KIRREL3: variants seen among roughly 807,000 people sequenced by gnomAD.
KIRREL3 encodes kin of IRRE-like protein 3.
In KIRREL3, 36 loss-of-function variants were observed where a neutral mutation model predicts 89.7. That is an observed-to-expected ratio of 0.40 (90% confidence interval 0.31 to 0.53). KIRREL3 has a LOEUF of 0.53. Among genes scored for constraint, KIRREL3 ranks in the 20% least tolerant of loss-of-function variants. The probability of loss-of-function intolerance (pLI) is 0.49; values close to 1 mark genes in which losing one functional copy is unlikely to be tolerated. For synonymous variants in KIRREL3, 445 were observed against 441.4 expected, an observed-to-expected ratio of 1.01 and a Z score of -0.10; for missense variants, 864 against 1,056.6, an observed-to-expected ratio of 0.82 and a Z score of 2.53.
At position 126,605,502 on chromosome 11, in the gene KIRREL3, A is replaced by T. The variant is rs182299507; in HGVS notation, c.56-42590T>A. ...TGGGACATGATGGATGAGACTCAGG[A>T]TGCCAGGAGGGAGGCACAGCCCACA... On this transcript the variant is annotated intron_variant, in intron 1 of 16. Coordinates refer to ENST00000525144, the MANE Select transcript of KIRREL3 (RefSeq NM_032531.4). The surrounding 1 kb of genome is among the most constrained non-coding windows in gnomAD (Gnocchi z 5.7). Among the ~76,000 whole-genome samples the T allele has an allele frequency of 8.3e-4, 126 of 152,292 alleles. No individual in the cohort carries two copies. Among genetic ancestry groups the T allele is most frequent in the African/African-American group, 3.0e-3 (123 of 41,558 alleles).
chr11:126,478,336 C>T (rs1326594312), intron 4 of KIRREL3, among the ~76,000 whole-genome samples: 1 of 152,228 alleles, frequency 6.6e-6, no homozygotes, highest in East Asian at 1.9e-4. Context: ...ACAACAAAGA[C>T]CTTATCTATC....
chr11:126,788,073 C>T lies in KIRREL3; in HGVS notation c.55+212382G>A, dbSNP rs1397058023. On this transcript the variant is annotated intron_variant, in intron 1 of 16. Transcript: ENST00000525144. This position sits in a 1 kb window ranked among gnomAD's most constrained non-coding sequence, Gnocchi z 4.1. The stretch of plus-strand genomic sequence containing the variant: ...GCTGATCCATGACCAACTTGGTAGC[C>T]CGGCTCTGGAGCCCATACTCTTAGC... Among the ~76,000 whole-genome samples the T allele has an allele frequency of 1.3e-5, 2 of 152,138 alleles. No individual in the cohort carries two copies. Among genetic ancestry groups the T allele is most frequent in the African/African-American group, 4.8e-5 (2 of 41,418 alleles).
chr11:127,000,544 C>T lies in KIRREL3; in HGVS notation c.-35G>A. On this transcript the variant is annotated 5_prime_UTR_variant, in exon 1 of 17. Transcript: ENST00000525144. The surrounding 1 kb of genome is among the most constrained non-coding windows in gnomAD (Gnocchi z 7.1). ...CAGCGAAGGAAAGCCGGCGGGGTAA[C>T]TTGGCTGTGGTTAGTTTCTCTTCCT... 2 of 1,584,464 alleles carry T rather than the reference C, an allele frequency of 1.3e-6. No individual in the cohort carries two copies. The highest frequency in any genetic ancestry group is 1.7e-6 in the Non-Finnish European group (2 of 1,165,642).
chr11:126,567,258 G>T, intron 1 of KIRREL3, among the ~76,000 whole-genome samples: 1 of 152,160 alleles, frequency 6.6e-6, no homozygotes, highest in Non-Finnish European at 1.5e-5. Context: ...TCCTGTGACT[G>T]GTGTCCTTAT....
chr11:126,777,835 T>G (rs913688290), intron 1 of KIRREL3, among the ~76,000 whole-genome samples: 3 of 152,206 alleles, frequency 2.0e-5, no homozygotes, highest in African/African-American at 4.8e-5. Context: ...TGTTAGATTG[T>G]GGGCTCCTTG....
At position 126,521,278 on chromosome 11, in the gene KIRREL3, A is replaced by C; in HGVS notation, c.433+37T>G. On this transcript the variant is annotated intron_variant, in intron 4 of 16. Transcript: ENST00000525144. The surrounding 1 kb of genome is among the most constrained non-coding windows in gnomAD (Gnocchi z 4.1). Reference sequence around the variant, plus strand: ...CTTGGAGCTGAGCCCTTGGTGCTTCACGCAGTGTCCCAGCCCCGTGTGCAG... The same window carrying C: ...CTTGGAGCTGAGCCCTTGGTGCTTCCCGCAGTGTCCCAGCCCCGTGTGCAG... The C allele has an allele frequency of 6.7e-7, 1 of 1,488,116 alleles. No individual in the cohort carries two copies. The highest frequency in any genetic ancestry group is 1.8e-4 in the Middle Eastern group (1 of 5,470). 92.2% of individuals were successfully genotyped at this position (1,488,116 alleles called of 1,614,324 possible).
chr11:126,895,338 C>G (rs1946107030), intron 1 of KIRREL3, among the ~76,000 whole-genome samples: 1 of 151,434 alleles, frequency 6.6e-6, no homozygotes, highest in East Asian at 1.9e-4. Flanking sequence ...TGGAGGGCAC[C>G]AGTAATCCCA....
rs181983808 is a variant in KIRREL3, at chr11:127,000,345, G to A, written c.55+110C>T. ...GCATCTCAGCCCGGCACCGAGAGAC[G>A]CATCCATCAGTCCGAGTTCCCGAAG... On this transcript the variant is annotated intron_variant, in intron 1 of 16. Coordinates refer to ENST00000525144, the MANE Select transcript of KIRREL3 (RefSeq NM_032531.4). The surrounding 1 kb of genome is among the most constrained non-coding windows in gnomAD (Gnocchi z 7.1). 41 of 788,242 alleles carry A rather than the reference G, an allele frequency of 5.2e-5. 1 individual carries two copies. In the East Asian group the frequency reaches 1.2e-3, roughly 23 times the overall value. The allele number at this position is 788,242 out of a possible 1,614,324, so 48.8% of individuals were successfully genotyped here.
intron 1 of KIRREL3, among the ~76,000 whole-genome samples, chr11:126,588,354 G>A (rs1941971041): frequency 6.6e-6 from 1 of 152,048 alleles, no homozygotes; most frequent in Non-Finnish European, 1.5e-5. Context: ...CTTGAAGAGA[G>A]GCTTAAATAG....
intron 1 of KIRREL3, among the ~76,000 whole-genome samples, chr11:126,925,704 G>C (rs1183597749): frequency 6.6e-6 from 1 of 152,164 alleles, no homozygotes; most frequent in Non-Finnish European, 1.5e-5. Context: ...AGAACGTTGT[G>C]GTCACCTCTG....
rs1191864036 is a variant in KIRREL3, at chr11:126,772,169, A to T, written c.56-209257T>A. Among the ~76,000 whole-genome samples, 1 of 152,224 alleles carries T rather than the reference A, an allele frequency of 6.6e-6. No individual in the cohort carries two copies. The highest frequency in any genetic ancestry group is 1.9e-4 in the East Asian group (1 of 5,190). On this transcript the variant is annotated intron_variant, in intron 1 of 16. Transcript: ENST00000525144. The surrounding 1 kb of genome is among the most constrained non-coding windows in gnomAD (Gnocchi z 4.6). Reference sequence around the variant, plus strand: ...TAGATTCCTCAACCTGAGCAGGTTCATATGGTTTTGCTGAATTCTCCAAGT... The same window carrying T: ...TAGATTCCTCAACCTGAGCAGGTTCTTATGGTTTTGCTGAATTCTCCAAGT...
chr11:126,576,658 T>C lies in KIRREL3; in HGVS notation c.56-13746A>G, dbSNP rs932219919. 4.6e-5 allele frequency among the ~76,000 whole-genome samples: 7 copies of C among 152,242 alleles called. No homozygotes were observed. The highest frequency in any genetic ancestry group is 8.8e-5 in the Non-Finnish European group (6 of 68,038). On this transcript the variant is annotated intron_variant, in intron 1 of 16. Coordinates refer to ENST00000525144, the MANE Select transcript of KIRREL3 (RefSeq NM_032531.4). The surrounding 1 kb of genome is among the most constrained non-coding windows in gnomAD (Gnocchi z 5.4). ...CCACCACAGCTTGGCCTTGCATGGC[T>C]GGTGCTTGGTACCACCAGTTGGTTT... is the stretch of plus-strand genomic sequence containing the variant.
chr11:126,672,807 TC>T (rs1483114782), intron 1 of KIRREL3, among the ~76,000 whole-genome samples: 2 of 152,214 alleles, frequency 1.3e-5, no homozygotes, highest in Non-Finnish European at 2.9e-5. Context: ...AGTGAGTTCC[TC>T]CCTTACTTGT....
Position 126,893,591 on chromosome 11 carries a change from C to T in KIRREL3, c.55+106864G>A, listed in dbSNP as rs539178333. Among the ~76,000 whole-genome samples the T allele has an allele frequency of 5.9e-5, 9 of 152,294 alleles. No homozygotes were observed. In the South Asian group the frequency reaches 1.2e-3, roughly 21 times the overall value. On this transcript the variant is annotated intron_variant, in intron 1 of 16. Transcript: ENST00000525144. ...TAGAAGTTTTAGACTGTGGAATCAG[C>T]GCTGTGGAAGGCCCGGCTACCCGGG... is the stretch of plus-strand genomic sequence containing the variant.
chr11:126,678,809 A>G (rs1946320898), intron 1 of KIRREL3, among the ~76,000 whole-genome samples: 2 of 152,240 alleles, frequency 1.3e-5, no homozygotes, highest in Admixed American at 1.3e-4. Flanking sequence ...GAGAGAGGAT[A>G]TCAGTGGAGG....
At chr11:126,815,075 C>A in intron 1 of KIRREL3, among the ~76,000 whole-genome samples, 1 of 152,064 alleles carries the variant, frequency 6.6e-6, no homozygotes, top group East Asian at 1.9e-4. Flanking sequence ...GGGTGTAAAG[C>A]TTTAAAAAAA....
At chr11:126,621,742 A>AGATATAACACTTTACTCCTTATATCTC (rs1169105263) in intron 1 of KIRREL3, among the ~76,000 whole-genome samples, 1 of 152,208 alleles carries the variant, frequency 6.6e-6, no homozygotes, top group Admixed American at 6.5e-5. Flanking sequence ...TTGGAATTCC[A>AGATATAACACTTTACTCCTTATATCTC]AGGCTTTATT....
intron 1 of KIRREL3, among the ~76,000 whole-genome samples, chr11:126,794,093 A>C (rs1180695416): frequency 3.3e-5 from 5 of 152,238 alleles, no homozygotes; most frequent in Non-Finnish European, 7.3e-5. Context: ...TTCTTACGTT[A>C]TTTAAAAATA....
chr11:126,896,385 A>G lies in KIRREL3; in HGVS notation c.55+104070T>C, dbSNP rs561201310. ...CTTCTCTGACTCCTCTCCACATTTGACCTTGGTCTCTGAGATGCTCTTTGT... is the reference window on the plus strand; with the variant it reads ...CTTCTCTGACTCCTCTCCACATTTGGCCTTGGTCTCTGAGATGCTCTTTGT... On this transcript the variant is annotated intron_variant, in intron 1 of 16. Coordinates refer to ENST00000525144, the MANE Select transcript of KIRREL3 (RefSeq NM_032531.4). This position sits in a 1 kb window ranked among gnomAD's most constrained non-coding sequence, Gnocchi z 4.1. Among the ~76,000 whole-genome samples, 181 of 152,288 alleles carry G rather than the reference A, an allele frequency of 1.2e-3. 5 individuals are homozygous for G. In the South Asian group the frequency reaches 0.035, roughly 30 times the overall value.
Sources: allele counts gnomAD v4.1 joint callset (sites outside exome capture counted in the v4.1 genomes callset), GRCh38; gene constraint gnomAD v4.1.1; non-coding constraint Gnocchi (gnomAD v3.1); transcripts MANE v1.5; gene names NCBI Gene and HGNC (gene_info 2026-07-23, HGNC 2026-07-21).